USP10: variants seen among roughly 807,000 people sequenced by gnomAD.
USP10 encodes ubiquitin specific peptidase 10, also known as ubiquitin carboxyl-terminal hydrolase 10.
In USP10, 22 loss-of-function variants were observed where a neutral mutation model predicts 84.5. That is an observed-to-expected ratio of 0.26 (90% CI 0.19 to 0.37). The LOEUF (loss-of-function observed/expected upper bound fraction) is 0.37, where lower values mean the gene tolerates loss of function less well. Among genes scored for constraint, USP10 ranks in the 10% least tolerant of loss-of-function variants. The probability of loss-of-function intolerance (pLI) is 1.00; values close to 1 mark genes in which losing one functional copy is unlikely to be tolerated. For missense variants in USP10, 1,019 were observed against 998.9 expected, an observed-to-expected ratio of 1.02 and a Z score of -0.27; for synonymous variants, 454 against 387.6, an observed-to-expected ratio of 1.17 and a Z score of -2.01.
chr16:84,760,147 A>G (rs1913038922), intron 7 of USP10, 25 bp from the exon 8 acceptor site: 2 of 1,584,914 alleles, frequency 1.3e-6, no homozygotes, highest in Non-Finnish European at 1.7e-6. Flanking sequence ...TAGTTAGGAA[A>G]ACCTGTGTCC....
At chr16:84,771,460 A>C (rs574623903) in intron 11 of USP10, among the ~76,000 whole-genome samples, 2 of 152,188 alleles carry the variant, frequency 1.3e-5, no homozygotes, top group African/African-American at 4.8e-5. Context: ...ATGCCACTGC[A>C]CTCCAGCATG....
intron 2 of USP10, among the ~76,000 whole-genome samples, chr16:84,737,851 C>A (rs1012492638): frequency 6.6e-6 from 1 of 152,248 alleles, no homozygotes; most frequent in Non-Finnish European, 1.5e-5. Context: ...GTCAGTGCCA[C>A]CTGGTGTCAC....
At chr16:84,706,810 G>C (rs1448373430) in intron 1 of USP10, among the ~76,000 whole-genome samples, 1 of 152,106 alleles carries the variant, frequency 6.6e-6, no homozygotes, top group African/African-American at 2.4e-5. Flanking sequence ...AGAGTGCTGG[G>C]ATTACAGGCG....
intron 10 of USP10, among the ~76,000 whole-genome samples, chr16:84,767,892 G>C (rs1250340307): frequency 1.3e-5 from 2 of 152,018 alleles, no homozygotes; most frequent in African/African-American, 4.8e-5. Flanking sequence ...AGTGAACAAA[G>C]GTCTCTGGTT....
At chr16:84,701,519 C>G (rs1904855979) in intron 1 of USP10, among the ~76,000 whole-genome samples, 1 of 152,058 alleles carries the variant, frequency 6.6e-6, no homozygotes, top group African/African-American at 2.4e-5. Flanking sequence ...CAACTTAAAT[C>G]CTAATTAACT....
intron 1 of USP10, among the ~76,000 whole-genome samples, chr16:84,712,247 A>T (rs982818914): frequency 6.6e-6 from 1 of 152,212 alleles, no homozygotes; most frequent in African/African-American, 2.4e-5. Flanking sequence ...AGCTGTGTAC[A>T]GAGGCCCTTG....
chr16:84,740,864 T>C (rs563040532), intron 3 of USP10, among the ~76,000 whole-genome samples: 1 of 152,244 alleles, frequency 6.6e-6, no homozygotes, highest in African/African-American at 2.4e-5. Flanking sequence ...CTGTTACTTT[T>C]TTGGGTCTCC....
At chr16:84,708,087 AAAGAT>A (rs1009747388) in intron 1 of USP10, among the ~76,000 whole-genome samples, 6 of 152,208 alleles carry the variant, frequency 3.9e-5, no homozygotes, top group Middle Eastern at 3.4e-3. Flanking sequence ...TCAAAAAAGA[AAAGAT>A]AAGAAATATT....
At chr16:84,743,589 G>T (rs1910874991) in intron 3 of USP10, among the ~76,000 whole-genome samples, 2 of 152,086 alleles carry the variant, frequency 1.3e-5, no homozygotes, top group Non-Finnish European at 2.9e-5. Context: ...TAGCCTGGAA[G>T]AAATCTTCAT....
intron 5 of USP10, 39 bp from the exon 6 acceptor site, chr16:84,759,324 T>C: frequency 6.4e-7 from 1 of 1,562,548 alleles, no homozygotes; most frequent in East Asian, 2.2e-5. Flanking sequence ...GTGGTGTGTC[T>C]GTTCATTTCC....
In USP10 at chr16:84,744,641, T is replaced by C; in HGVS notation, c.160T>C (p.Tyr54His). 1 of 1,607,554 alleles carries C rather than the reference T, an allele frequency of 6.2e-7. No individual in the cohort carries two copies. Among genetic ancestry groups the C allele is most frequent in the Non-Finnish European group, 8.5e-7 (1 of 1,175,672 alleles). Residue 54 changes from tyrosine to histidine, a missense_variant, in exon 4 of 14, where the codon TAT becomes CAT. Transcript: ENST00000219473. ...GTTTTCTTTCTAAACAGGACAAGAA[T>C]ATCAGAGAATTGAGTTTGGTGTCGA... ...AVDKLPDGQE[Y>H]QRIEFGVDEV...
chr16:84,742,023 A>C (rs1597346326), intron 3 of USP10, among the ~76,000 whole-genome samples: 1 of 152,136 alleles, frequency 6.6e-6, no homozygotes, highest in South Asian at 2.1e-4. Flanking sequence ...GAGGCACCTC[A>C]TCGTGGCTTC....
chr16:84,764,159 C>T lies in USP10; in HGVS notation c.1728C>T (p.Ser576=), dbSNP rs1913550972. 4.3e-6 allele frequency: 7 copies of T among 1,613,796 alleles called. No homozygotes were observed. Among genetic ancestry groups the T allele is most frequent in the Non-Finnish European group, 5.9e-6 (7 of 1,179,854 alleles). Residue 576 remains serine (S), a synonymous_variant, in exon 10 of 14, where the codon AGC becomes AGT. Coordinates refer to ENST00000219473, the MANE Select transcript of USP10 (RefSeq NM_005153.3). ...AGCAGGAAGAACAAGGTGAAGGAAG[C>T]GAGGATGAATGGGAACAAGTGGGCC... ...EEEQEEQGEG[S]EDEWEQVGPR...
intron 1 of USP10, among the ~76,000 whole-genome samples, chr16:84,702,780 G>C (rs1905053374): frequency 6.6e-6 from 1 of 151,966 alleles, no homozygotes; most frequent in Non-Finnish European, 1.5e-5. Context: ...ATCACTTGAG[G>C]TCAGGGGTTC....
chr16:84,748,153 C>CAAAA (rs1169089505), intron 4 of USP10, among the ~76,000 whole-genome samples: 1,159 of 51,204 alleles, frequency 0.023, 92 homozygotes, highest in Middle Eastern at 0.14. Context: ...GACTCCATCT[C>CAAAA]AAAAAAAAAA....
At chr16:84,702,327 G>A (rs530966520) in intron 1 of USP10, among the ~76,000 whole-genome samples, 3 of 152,072 alleles carry the variant, frequency 2.0e-5, no homozygotes, top group Non-Finnish European at 4.4e-5. Context: ...AAAGTGCTGG[G>A]ATTATAGGCG....
intron 1 of USP10, among the ~76,000 whole-genome samples, chr16:84,720,510 G>A (rs911890383): frequency 4.0e-5 from 6 of 151,596 alleles, no homozygotes; most frequent in African/African-American, 1.2e-4. Context: ...GTAATGATGG[G>A]ACAGAGGCTT....
chr16:84,764,674 T>C (rs1913619684), intron 10 of USP10, among the ~76,000 whole-genome samples: 1 of 151,806 alleles, frequency 6.6e-6, no homozygotes, highest in Non-Finnish European at 1.5e-5. Context: ...CTACTAAAAA[T>C]ACAAAAATCA....
In USP10 at chr16:84,758,478, TC is replaced by T. The variant is rs200798347; in HGVS notation, c.1193-232del. Reference sequence around the variant, plus strand: ...TAGTTCTTGTGTTCCCTAATTCTGTTCCCCCCAGGAAGATTAAATGTTGCTA... The same window carrying T: ...TAGTTCTTGTGTTCCCTAATTCTGTTCCCCCAGGAAGATTAAATGTTGCTA... On this transcript the variant is annotated intron_variant, in intron 4 of 13. Transcript: ENST00000219473. Among the ~76,000 whole-genome samples the T allele has an allele frequency of 1.1e-4, 17 of 152,244 alleles. No individual in the cohort carries two copies. In the East Asian group the frequency reaches 3.1e-3, roughly 28 times the overall value.
Sources: gnomAD v4.1 joint callset for allele counts (sites outside exome capture counted in the v4.1 genomes callset) on GRCh38, gnomAD v4.1.1 for gene constraint, MANE v1.5 for transcripts, NCBI Gene and HGNC (gene_info 2026-07-23, HGNC 2026-07-21) for gene names.